CNTN4: variants seen among roughly 807,000 people sequenced by gnomAD.
The protein encoded by CNTN4 is contactin-4.
A neutral mutation model predicts 122.5 loss-of-function variants in CNTN4; 77 were observed. That is an observed-to-expected ratio of 0.63 (90% CI 0.52 to 0.76). The LOEUF (loss-of-function observed/expected upper bound fraction) is 0.76. Ranked by LOEUF, CNTN4 falls within the 30% of genes least tolerant of loss-of-function variation. The pLI, the probability that CNTN4 is intolerant of heterozygous loss-of-function variation, is 0.00. For missense variants in CNTN4, 1,256 were observed against 1,259.1 expected (o/e 1.00, Z 0.04); for synonymous variants, 512 against 447.0 (o/e 1.15, Z -1.83).
chr3:2,829,694 TG>T (rs1449158124), intron 7 of CNTN4, among the ~76,000 whole-genome samples: 2 of 152,210 alleles, frequency 1.3e-5, no homozygotes, highest in Non-Finnish European at 2.9e-5. Flanking sequence ...TACTTTTGAA[TG>T]CCTAGATGTC....
chr3:2,598,444 C>T (rs1011788105), intron 4 of CNTN4, among the ~76,000 whole-genome samples: 3 of 152,048 alleles, frequency 2.0e-5, no homozygotes, highest in Non-Finnish European at 2.9e-5. Context: ...ATTCTAATCA[C>T]GAAGGACTGG....
At chr3:2,526,049 G>C (rs1223678974) in intron 3 of CNTN4, among the ~76,000 whole-genome samples, 1 of 152,174 alleles carries the variant, frequency 6.6e-6, no homozygotes, top group Middle Eastern at 3.4e-3. Flanking sequence ...GAATCAAAAA[G>C]GTAGTGTGAC....
intron 6 of CNTN4, among the ~76,000 whole-genome samples, chr3:2,772,941 G>C (rs2091166621): frequency 1.3e-5 from 2 of 152,152 alleles, no homozygotes; most frequent in African/African-American, 4.8e-5. Context: ...ATAGAGAGCA[G>C]ATATTTTCAG....
In CNTN4 at chr3:2,571,531, C is replaced by A; in HGVS notation, c.28C>A (p.Leu10Met). The A allele has an allele frequency of 6.2e-7, 1 of 1,613,814 alleles. No individual in the cohort carries two copies. The highest frequency in any genetic ancestry group is 8.5e-7 in the Non-Finnish European group (1 of 1,179,690). MRLPWELLVLQSFILCLADD... is the reference protein window; with the variant it reads MRLPWELLVMQSFILCLADD... ...GAGGTTGCCATGGGAACTGCTGGTACTGCAATCATTCATTTTGTGCCTTGC... is the reference window on the plus strand; with the variant it reads ...GAGGTTGCCATGGGAACTGCTGGTAATGCAATCATTCATTTTGTGCCTTGC... The change falls in exon 4 of 25, where the codon CTG becomes ATG. Residue 10 changes from leucine (L) to methionine (M), a missense_variant. By Grantham distance (15) the Leu-to-Met change is conservative. Coordinates refer to ENST00000418658, the MANE Select transcript of CNTN4 (RefSeq NM_175607.3).
chr3:2,908,472 G>A (rs1438361932), intron 12 of CNTN4, among the ~76,000 whole-genome samples: 1 of 152,106 alleles, frequency 6.6e-6, no homozygotes, highest in Non-Finnish European at 1.5e-5. Context: ...AACCTGTAAG[G>A]AAAAGCAGAA....
intron 19 of CNTN4, 159 bp from the exon 20 acceptor site, chr3:3,039,878 A>T: frequency 4.4e-6 from 3 of 680,232 alleles, no homozygotes; most frequent in Non-Finnish European, 8.1e-6. Flanking sequence ...TTTAAGATAG[A>T]CTGACTGCAA....
chr3:2,191,670 G>T (rs949394978), intron 2 of CNTN4, among the ~76,000 whole-genome samples: 1 of 150,396 alleles, frequency 6.6e-6, no homozygotes, highest in Non-Finnish European at 1.5e-5. Context: ...AGTGAGTGAG[G>T]TTATCTATTT....
Position 2,661,809 on chromosome 3 carries a change from C to CAA in CNTN4, c.56-74383_56-74382dup, listed in dbSNP as rs544079802. Among the ~76,000 whole-genome samples the CAA allele has an allele frequency of 2.9e-3, 223 of 77,758 alleles. 3 individuals are homozygous for CAA. Among genetic ancestry groups the CAA allele is most frequent in the East Asian group, 9.6e-3 (23 of 2,406 alleles). The allele number at this position is 77,758 out of a possible 152,430, so 51.0% of individuals were successfully genotyped here. On this transcript the variant is annotated intron_variant, in intron 4 of 24. Transcript: ENST00000418658. ...GGGCAACAAGAGCAAAATTCCATCT[C>CAA]AAAAAAAAAAAAAAAAAAAAAAAAT...
At chr3:2,970,909 C>A (rs1296639956) in intron 13 of CNTN4, among the ~76,000 whole-genome samples, 1 of 151,812 alleles carries the variant, frequency 6.6e-6, no homozygotes, top group Non-Finnish European at 1.5e-5. Flanking sequence ...TGACTCAGCC[C>A]CCCGAGTAGC....
chr3:2,376,340 A>G lies in CNTN4; in HGVS notation c.-89+37107A>G, dbSNP rs374566769. On this transcript the variant is annotated intron_variant, in intron 3 of 24. Coordinates refer to ENST00000418658, the MANE Select transcript of CNTN4 (RefSeq NM_175607.3). Reference sequence around the variant, plus strand: ...CTTGTTTAACGTTCCTAGTAAGTGCACAATAAATATTAATGTTAATGGTGA... The same window carrying G: ...CTTGTTTAACGTTCCTAGTAAGTGCGCAATAAATATTAATGTTAATGGTGA... 1.4e-4 allele frequency among the ~76,000 whole-genome samples: 22 copies of G among 152,328 alleles called. 2 individuals are homozygous for G. In the East Asian group the frequency reaches 3.5e-3, roughly 24 times the overall value.
At chr3:2,576,518 C>G (rs936723166) in intron 4 of CNTN4, among the ~76,000 whole-genome samples, 1 of 150,400 alleles carries the variant, frequency 6.6e-6, no homozygotes, top group Non-Finnish European at 1.5e-5. Context: ...TCTCCCATTT[C>G]TTATTTTATT....
At chr3:2,819,384 G>A (rs1416270673) in intron 6 of CNTN4, 102 bp from the exon 7 acceptor site, 6 of 868,058 alleles carry the variant, frequency 6.9e-6, no homozygotes, top group South Asian at 2.8e-5. Context: ...TGCTACCAAC[G>A]CAGTTTTGAG....
intron 12 of CNTN4, among the ~76,000 whole-genome samples, chr3:2,917,966 C>T (rs1014308573): frequency 6.6e-6 from 1 of 151,898 alleles, no homozygotes; most frequent in Non-Finnish European, 1.5e-5. Flanking sequence ...CTTCTTTTTC[C>T]AGCATGAGAA....
At chr3:2,280,953 C>T (rs189708273) in intron 2 of CNTN4, among the ~76,000 whole-genome samples, 7 of 152,288 alleles carry the variant, frequency 4.6e-5, no homozygotes, top group African/African-American at 1.7e-4. Context: ...GAGGAGGCCT[C>T]TCCTTGCTCT....
chr3:2,475,049 A>T (rs528125591), intron 3 of CNTN4, among the ~76,000 whole-genome samples: 94 of 152,290 alleles, frequency 6.2e-4, no homozygotes, highest in Non-Finnish European at 4.4e-5. Flanking sequence ...CCTTAAGCTG[A>T]ATTGCTTTGG....
At position 2,841,651 on chromosome 3, in the gene CNTN4, C is replaced by T. The variant is rs1226331741; in HGVS notation, c.454+22070C>T. On this transcript the variant is annotated intron_variant, in intron 7 of 24. Coordinates refer to ENST00000418658, the MANE Select transcript of CNTN4 (RefSeq NM_175607.3). This position sits in a 1 kb window ranked among gnomAD's most constrained non-coding sequence, Gnocchi z 4.8. The stretch of plus-strand genomic sequence containing the variant: ...CTTTTAATTTTTTGTGGGTCAGAGG[C>T]TCTTTGTTATATGGTAGAAGTATAG... Among the ~76,000 whole-genome samples, 1 of 152,126 alleles carries T rather than the reference C, an allele frequency of 6.6e-6. No individual in the cohort carries two copies. The highest frequency in any genetic ancestry group is 2.4e-5 in the African/African-American group (1 of 41,430).
At chr3:2,220,378 T>C (rs2149486707) in intron 2 of CNTN4, among the ~76,000 whole-genome samples, 1 of 152,294 alleles carries the variant, frequency 6.6e-6, no homozygotes, top group South Asian at 2.1e-4. Context: ...ACCCTCAGGG[T>C]ACTTACCTTA....
chr3:3,027,156 A>T (rs1358684691), intron 15 of CNTN4, among the ~76,000 whole-genome samples: 1 of 152,194 alleles, frequency 6.6e-6, no homozygotes, highest in African/African-American at 2.4e-5. Context: ...TTTTCCACCC[A>T]ACTACAGTAC....
chr3:2,705,834 A>AT (rs2086679080), intron 4 of CNTN4, among the ~76,000 whole-genome samples: 1 of 103,996 alleles, frequency 9.6e-6, no homozygotes, highest in African/African-American at 4.1e-5. Flanking sequence ...ATAAATATAT[A>AT]TAATATATAA....
Sources: allele counts gnomAD v4.1 joint callset (sites outside exome capture counted in the v4.1 genomes callset), GRCh38; gene constraint gnomAD v4.1.1; non-coding constraint Gnocchi (gnomAD v3.1); transcripts MANE v1.5; gene names NCBI Gene and HGNC (gene_info 2026-07-23, HGNC 2026-07-21).